Variants in ZFPM2 observed in about 807,000 individuals in gnomAD.
ZFPM2 encodes zinc finger protein, FOG family member 2, also known as zinc finger protein ZFPM2.
A neutral mutation model predicts 98.6 loss-of-function variants in ZFPM2; 20 were observed. The observed-to-expected ratio is 0.20, with a 90% confidence interval of 0.14 to 0.29. ZFPM2 has a LOEUF of 0.29. ZFPM2 is among the 10% of genes least tolerant of loss of function. ZFPM2 has a pLI of 1.00. For missense variants in ZFPM2, 1,310 were observed against 1,388.6 expected (o/e 0.94, Z 0.90); for synonymous variants, 518 against 502.7 (o/e 1.03, Z -0.41).
At chr8:105,510,521 C>A (rs1043282096) in intron 3 of ZFPM2, among the ~76,000 whole-genome samples, 1 of 151,634 alleles carries the variant, frequency 6.6e-6, no homozygotes, top group Non-Finnish European at 1.5e-5. Context: ...AATAAAGTGA[C>A]TGATTATGGT....
At chr8:105,380,847 TATA>T (rs1439152015) in intron 1 of ZFPM2, among the ~76,000 whole-genome samples, 1 of 79,452 alleles carries the variant, frequency 1.3e-5, no homozygotes, top group African/African-American at 6.8e-5. Flanking sequence ...TTATATATAT[TATA>T]ATATATATAA....
chr8:105,405,431 T>TC lies in ZFPM2; in HGVS notation c.41-13708dup, dbSNP rs566007251. Among the ~76,000 whole-genome samples, 53 of 73,388 alleles carry TC rather than the reference T, an allele frequency of 7.2e-4. No homozygotes were observed. In the South Asian group the frequency reaches 0.023, roughly 32 times the overall value. 48.1% of individuals were successfully genotyped at this position (73,388 alleles called of 152,430 possible). A position where few individuals can be genotyped will look rare whatever the true frequency, so the allele number is the denominator to read the frequency against. ...ATCTCCTAATGCTATCCCTCCCCCCTCCCCCACCCCACAACAGTCCCTGGT... is the reference window on the plus strand; with the variant it reads ...ATCTCCTAATGCTATCCCTCCCCCCTCCCCCCACCCCACAACAGTCCCTGGT... On this transcript the variant is annotated intron_variant, in intron 1 of 7. Coordinates refer to ENST00000407775, the MANE Select transcript of ZFPM2 (RefSeq NM_012082.4).
chr8:105,792,038 C>A (rs529706501), intron 6 of ZFPM2, among the ~76,000 whole-genome samples: 2 of 152,110 alleles, frequency 1.3e-5, no homozygotes, highest in African/African-American at 4.8e-5. Flanking sequence ...TTTCAAAAAA[C>A]CAGTTCCTGG....
chr8:105,757,215 TA>T (rs1462385990), intron 5 of ZFPM2, among the ~76,000 whole-genome samples: 3 of 152,176 alleles, frequency 2.0e-5, no homozygotes, highest in Non-Finnish European at 4.4e-5. Context: ...GAGTGACGTC[TA>T]AAGGCATTTT....
intron 5 of ZFPM2, among the ~76,000 whole-genome samples, chr8:105,737,032 C>A (rs560494326): frequency 6.6e-6 from 1 of 151,892 alleles, no homozygotes; most frequent in Non-Finnish European, 1.5e-5. Context: ...TGTGCACGTG[C>A]ACACATGATT....
chr8:105,758,216 C>T (rs1203619396), intron 5 of ZFPM2, among the ~76,000 whole-genome samples: 5 of 152,034 alleles, frequency 3.3e-5, no homozygotes, highest in African/African-American at 1.2e-4. Context: ...GAAATAATCA[C>T]GACTATCATT....
chr8:105,554,290 C>T lies in ZFPM2; in HGVS notation c.302-7073C>T, dbSNP rs373392120. Among the ~76,000 whole-genome samples the T allele has an allele frequency of 2.4e-4, 36 of 152,264 alleles. No individual in the cohort carries two copies. In the South Asian group the frequency reaches 4.6e-3, roughly 19 times the overall value. On this transcript the variant is annotated intron_variant, in intron 3 of 7. Coordinates refer to ENST00000407775, the MANE Select transcript of ZFPM2 (RefSeq NM_012082.4). Reference sequence around the variant, plus strand: ...GGAAACACACATAATGGAAAGACTGCAGTTTGGCTGTGAAGATAATCAGCA... The same window carrying T: ...GGAAACACACATAATGGAAAGACTGTAGTTTGGCTGTGAAGATAATCAGCA...
intron 1 of ZFPM2, chr8:105,418,899 C>T: frequency 1.7e-6 from 1 of 576,268 alleles, no homozygotes; most frequent in Non-Finnish European, 3.1e-6. Context: ...GGTGGGGACG[C>T]AATGGAGATG....
At chr8:105,709,685 A>T (rs184498258) in intron 5 of ZFPM2, among the ~76,000 whole-genome samples, 1 of 152,288 alleles carries the variant, frequency 6.6e-6, no homozygotes, top group African/African-American at 2.4e-5. Context: ...GAAGAACAGC[A>T]GAGTATTCTG....
At chr8:105,609,291 T>C (rs964057928) in intron 4 of ZFPM2, among the ~76,000 whole-genome samples, 5 of 151,824 alleles carry the variant, frequency 3.3e-5, no homozygotes, top group African/African-American at 1.2e-4. Flanking sequence ...ATGGAGGGAA[T>C]GGTCTTAAAC....
intron 1 of ZFPM2, among the ~76,000 whole-genome samples, chr8:105,337,816 G>T (rs1189917137): frequency 6.6e-6 from 1 of 151,002 alleles, no homozygotes; most frequent in Non-Finnish European, 1.5e-5. Context: ...AGTTTTATAA[G>T]ACTGCAAATT....
chr8:105,446,561 AT>A (rs760693647), intron 3 of ZFPM2, among the ~76,000 whole-genome samples: 13 of 152,174 alleles, frequency 8.5e-5, no homozygotes, highest in Non-Finnish European at 1.9e-4. Context: ...AAGGTGAAGA[AT>A]TATGCTGTCA....
chr8:105,536,165 G>A (rs1814446316), intron 3 of ZFPM2, among the ~76,000 whole-genome samples: 1 of 152,100 alleles, frequency 6.6e-6, no homozygotes, highest in Non-Finnish European at 1.5e-5. Context: ...AGTTCTGAAA[G>A]AATAAAATGT....
intron 1 of ZFPM2, among the ~76,000 whole-genome samples, chr8:105,393,333 T>TGTCTG (rs370622164): frequency 4.3e-5 from 4 of 92,926 alleles, no homozygotes; most frequent in African/African-American, 8.4e-5. Context: ...TCTCTCTCTC[T>TGTCTG]TTGCCTTTCT....
intron 5 of ZFPM2, among the ~76,000 whole-genome samples, chr8:105,735,210 G>T (rs926364203): frequency 2.3e-4 from 34 of 150,054 alleles, no homozygotes; most frequent in African/African-American, 7.8e-4. Context: ...GTAATCTGTT[G>T]CTGCTGTAAC....
Position 105,790,955 on chromosome 8 carries a change from T to C in ZFPM2, c.739+2031T>C, listed in dbSNP as rs1360973755. Among the ~76,000 whole-genome samples, 5 of 152,366 alleles carry C rather than the reference T, an allele frequency of 3.3e-5. No individual in the cohort carries two copies. In the East Asian group the frequency reaches 9.6e-4, roughly 29 times the overall value. On this transcript the variant is annotated intron_variant, in intron 6 of 7. Transcript: ENST00000407775. ...ACATTGATTTTGTGTCCTGAGACTT[T>C]GCTGAAGTTGCTTATCAGCTTAAGG...
At chr8:105,437,282 T>C (rs1209383678) in intron 2 of ZFPM2, among the ~76,000 whole-genome samples, 2 of 152,194 alleles carry the variant, frequency 1.3e-5, no homozygotes, top group African/African-American at 4.8e-5. Context: ...ATTTTCAGTA[T>C]CTCTAATTAT....
At chr8:105,439,439 T>G (rs1378507105) in intron 2 of ZFPM2, among the ~76,000 whole-genome samples, 3 of 152,186 alleles carry the variant, frequency 2.0e-5, no homozygotes, top group Admixed American at 6.5e-5. Context: ...TACAAACTGC[T>G]GTTTTTGGTG....
chr8:105,477,791 G>C (rs1418347630), intron 3 of ZFPM2, among the ~76,000 whole-genome samples: 1 of 152,144 alleles, frequency 6.6e-6, no homozygotes, highest in Admixed American at 6.5e-5. Flanking sequence ...TGGAAACTTA[G>C]ATCCAAATAG....
Sources: gnomAD v4.1 joint callset for allele counts (sites outside exome capture counted in the v4.1 genomes callset) on GRCh38, gnomAD v4.1.1 for gene constraint, MANE v1.5 for transcripts, NCBI Gene and HGNC (gene_info 2026-07-23, HGNC 2026-07-21) for gene names.